CCSER2: variants seen among roughly 807,000 people sequenced by gnomAD.
CCSER2 encodes coiled-coil serine rich protein 2, also known as serine-rich coiled-coil domain-containing protein 2.
CCSER2 carries 46 observed loss-of-function variants against 92.3 expected under a neutral mutation model. The observed-to-expected ratio is 0.50, with a 90% CI of 0.39 to 0.64. CCSER2 has a LOEUF of 0.64. Ranked by LOEUF, CCSER2 falls within the 30% of genes least tolerant of loss-of-function variation. The pLI, the probability that CCSER2 is intolerant of heterozygous loss-of-function variation, is 0.00. For synonymous variants in CCSER2, 433 were observed against 431.4 expected (o/e 1.00, Z -0.04); for missense variants, 1,244 against 1,238.9 (o/e 1.00, Z -0.06).
chr10:84,485,327 C>T (rs1349235346), intron 9 of CCSER2, among the ~76,000 whole-genome samples: 1 of 152,170 alleles, frequency 6.6e-6, no homozygotes, highest in African/African-American at 2.4e-5. Flanking sequence ...ATTGTACCAC[C>T]ACAGCATTTT....
chr10:84,343,778 T>G (rs1253565932), intron 1 of CCSER2, among the ~76,000 whole-genome samples: 2 of 152,252 alleles, frequency 1.3e-5, no homozygotes, highest in East Asian at 3.8e-4. Context: ...AGACATTTTA[T>G]TAATGGGCTA....
intron 1 of CCSER2, among the ~76,000 whole-genome samples, chr10:84,342,557 T>G (rs1249359626): frequency 1.3e-5 from 2 of 152,204 alleles, no homozygotes; most frequent in African/African-American, 4.8e-5. Context: ...CTTCTCCTGT[T>G]CACAGAATAA....
At chr10:84,442,647 GT>G (rs1049051690) in intron 6 of CCSER2, among the ~76,000 whole-genome samples, 1 of 152,084 alleles carries the variant, frequency 6.6e-6, no homozygotes, top group Non-Finnish European at 1.5e-5. Context: ...GGAAGAAAAG[GT>G]TTTTTAAAAG....
chr10:84,499,968 G>C (rs1210913434), intron 9 of CCSER2: 2 of 1,613,384 alleles, frequency 1.2e-6, no homozygotes, highest in Non-Finnish European at 1.7e-6. Context: ...GAGTGAGTCT[G>C]TGTCTCTCAC....
At chr10:84,386,608 A>G (rs969839306) in intron 3 of CCSER2, among the ~76,000 whole-genome samples, 7 of 152,140 alleles carry the variant, frequency 4.6e-5, no homozygotes, top group Non-Finnish European at 7.4e-5. Context: ...GATCCCAGCT[A>G]TTCGGGAGGC....
chr10:84,398,777 C>CT (rs554481165), intron 3 of CCSER2, among the ~76,000 whole-genome samples: 15 of 148,966 alleles, frequency 1.0e-4, no homozygotes, highest in South Asian at 2.1e-4. Context: ...GATGAACAGA[C>CT]TTTTTTTTTT....
At chr10:84,409,310 A>T (rs199808466) in intron 3 of CCSER2, among the ~76,000 whole-genome samples, 4,658 of 148,492 alleles carry the variant, frequency 0.031, 129 homozygotes, top group Non-Finnish European at 0.044. Flanking sequence ...ATTTAAAAAA[A>T]TTTTTTTTTT....
chr10:84,409,240 C>T (rs1407417431), intron 3 of CCSER2, among the ~76,000 whole-genome samples: 5 of 152,112 alleles, frequency 3.3e-5, no homozygotes, highest in South Asian at 2.1e-4. Flanking sequence ...ATCTGCCCGC[C>T]GTGGCCTCTC....
rs569341625 is a variant in CCSER2, at chr10:84,517,585, T to C, written c.*3318T>C. The C allele has an allele frequency of 6.5e-6, 1 of 152,780 alleles. No individual in the cohort carries two copies. The highest frequency in any genetic ancestry group is 2.1e-4 in the South Asian group (1 of 4,832). The allele number at this position is 152,780 out of a possible 1,614,324, so 9.5% of individuals were successfully genotyped here. A position where few individuals can be genotyped will look rare whatever the true frequency, so the allele number is the denominator to read the frequency against. The stretch of plus-strand genomic sequence containing the variant: ...GCCTGAAATATCGAATTGCCTCCTA[T>C]TGGGTGTGGCTTTGTTGAAATAAAT... On this transcript the variant is annotated 3_prime_UTR_variant, in exon 10 of 10. Transcript: ENST00000372088.
At chr10:84,491,404 G>A (rs1055519560) in intron 9 of CCSER2, among the ~76,000 whole-genome samples, 2 of 152,094 alleles carry the variant, frequency 1.3e-5, no homozygotes, top group Admixed American at 6.5e-5. Context: ...CGAGCTTCCC[G>A]GCCACTTTCT....
chr10:84,503,801 A>C (rs1262573315), intron 9 of CCSER2, among the ~76,000 whole-genome samples: 2 of 152,186 alleles, frequency 1.3e-5, no homozygotes, highest in Non-Finnish European at 2.9e-5. Flanking sequence ...AACAATAAAA[A>C]TTACATAAAT....
chr10:84,421,209 G>C (rs1041898760), intron 4 of CCSER2, among the ~76,000 whole-genome samples: 1 of 152,226 alleles, frequency 6.6e-6, no homozygotes, highest in East Asian at 1.9e-4. Context: ...AAAATAAGGA[G>C]AGAATGTTGG....
Position 84,513,617 on chromosome 10 carries a change from A to G in CCSER2, c.2494A>G (p.Ser832Gly), listed in dbSNP as rs193134871. Residue 832 changes from serine (S) to glycine (G), a missense_variant, in exon 10 of 10, where the codon AGC (serine) becomes GGC (glycine). By Grantham distance (56) the Ser-to-Gly change is moderately conservative. Coordinates refer to ENST00000372088, the MANE Select transcript of CCSER2 (RefSeq NM_001284240.2). ...CTTTACACACGTCTTGCACCAAGAA[A>G]GCAACTATGGTTTGGAAGAGCAGCC... Reference protein sequence around the residue: ...ESFTHVLHQESNYGLEEQPFS... With the variant: ...ESFTHVLHQEGNYGLEEQPFS... 5.7e-5 allele frequency: 92 copies of G among 1,610,262 alleles called. No homozygotes were observed. In the African/African-American group the frequency reaches 5.9e-4, roughly 10 times the overall value.
chr10:84,347,495 C>T (rs1049323568), intron 1 of CCSER2, among the ~76,000 whole-genome samples: 3 of 139,506 alleles, frequency 2.2e-5, no homozygotes, highest in South Asian at 2.3e-4. Context: ...GGTGGCTGGC[C>T]GGGTGGGGGC....
intron 9 of CCSER2, 93 bp downstream of exon 9, chr10:84,477,757 A>T: frequency 1.5e-6 from 1 of 686,130 alleles, no homozygotes; most frequent in Non-Finnish European, 2.5e-6. Context: ...ATGATTTTGA[A>T]TCTGTCATGG....
At chr10:84,504,391 A>G (rs1032264916) in intron 9 of CCSER2, among the ~76,000 whole-genome samples, 10 of 152,016 alleles carry the variant, frequency 6.6e-5, no homozygotes, top group African/African-American at 2.2e-4. Context: ...ATATTAATAG[A>G]GTGGCTTAAA....
intron 9 of CCSER2, 50 bp from the exon 10 acceptor site, chr10:84,513,399 G>A (rs1849467893): frequency 7.4e-7 from 1 of 1,346,154 alleles, no homozygotes; most frequent in African/African-American, 1.5e-5. Context: ...TATTAAATCT[G>A]GGTGGAATTT....
chr10:84,465,759 T>A (rs1217706594), intron 7 of CCSER2, among the ~76,000 whole-genome samples: 1 of 152,156 alleles, frequency 6.6e-6, no homozygotes, highest in African/African-American at 2.4e-5. Context: ...TTGCTTTTTT[T>A]TTCTTTTTTG....
intron 1 of CCSER2, among the ~76,000 whole-genome samples, chr10:84,366,158 G>C (rs1845765156): frequency 6.6e-6 from 1 of 152,022 alleles, no homozygotes; most frequent in Non-Finnish European, 1.5e-5. Flanking sequence ...TGCTCAGTAT[G>C]GCCTTCAACT....
Sources: gnomAD v4.1 joint callset for allele counts (sites outside exome capture counted in the v4.1 genomes callset) on GRCh38, gnomAD v4.1.1 for gene constraint, MANE v1.5 for transcripts, NCBI Gene and HGNC (gene_info 2026-07-23, HGNC 2026-07-21) for gene names.